The following MFF variants were observed in gnomAD, a reference collection of about 807,000 sequenced individuals.
The protein encoded by MFF is chromosome 2 open reading frame 33.
A neutral mutation model predicts 36.9 loss-of-function variants in MFF; 12 were observed. The ratio of observed to expected loss-of-function variants is 0.33; its 90% CI spans 0.21 to 0.53. MFF has a LOEUF of 0.53. Among genes scored for constraint, MFF ranks in the 20% least tolerant of loss-of-function variants. The pLI is 0.95. For synonymous variants in MFF, 99 were observed against 126.2 expected, an observed-to-expected ratio of 0.78 and a Z score of 1.44; for missense variants, 348 against 366.6, an observed-to-expected ratio of 0.95 and a Z score of 0.42.
Position 227,332,412 on chromosome 2 carries a change from C to T in MFF, c.182-7C>T, listed in dbSNP as rs202090250. On this transcript the variant is annotated splice_region_variant and splice_polypyrimidine_tract_variant and intron_variant, in intron 3 of 8. Coordinates refer to ENST00000304593, the MANE Select transcript of MFF (RefSeq NM_001277062.2). Reference sequence around the variant, plus strand: ...TCTTCTTTGTCTCTTTTCTTGAAAACTCCTAGGAAATAATGAAGATGTTTC... The same window carrying T: ...TCTTCTTTGTCTCTTTTCTTGAAAATTCCTAGGAAATAATGAAGATGTTTC... 3 of 1,493,940 alleles carry T rather than the reference C, an allele frequency of 2.0e-6. No individual in the cohort carries two copies. The African/African-American group carries it at 5.3e-5, about 26-fold the overall frequency. 92.5% of individuals were successfully genotyped at this position (1,493,940 alleles called of 1,614,324 possible). A position where few individuals can be genotyped will look rare whatever the true frequency, so the allele number is the denominator to read the frequency against.
Position 227,330,710 on chromosome 2 carries a change from A to C in MFF, c.45A>C (p.Glu15Asp). 1 of 1,614,192 alleles carries C rather than the reference A, an allele frequency of 6.2e-7. No homozygotes were observed. The highest frequency in any genetic ancestry group is 8.5e-7 in the Non-Finnish European group (1 of 1,180,008). ...TTCAGTACGAAATGGAATATACTGAAGGCATTAGTCAGCGAATGAGGGTCC... is the reference window on the plus strand; with the variant it reads ...TTCAGTACGAAATGGAATATACTGACGGCATTAGTCAGCGAATGAGGGTCC... Reference protein sequence around the residue: ...SRIQYEMEYTEGISQRMRVPE... With the variant: ...SRIQYEMEYTDGISQRMRVPE... Residue 15 changes from glutamate to aspartate, a missense_variant, in exon 3 of 9, where the codon GAA becomes GAC. Coordinates refer to ENST00000304593, the MANE Select transcript of MFF (RefSeq NM_001277062.2).
intron 5 of MFF, among the ~76,000 whole-genome samples, chr2:227,341,391 T>C (rs537323541): frequency 6.6e-6 from 1 of 152,094 alleles, no homozygotes; most frequent in African/African-American, 2.4e-5. Flanking sequence ...TTGTGTTAGG[T>C]GAAAGGAGAA....
In MFF at chr2:227,330,621, C is replaced by T. The variant is rs762092923; in HGVS notation, c.-40-5C>T. 7.0e-6 allele frequency: 10 copies of T among 1,419,912 alleles called. No homozygotes were observed. The Admixed American group carries it at 1.8e-4, about 26-fold the overall frequency. The allele number at this position is 1,419,912 out of a possible 1,614,324, so 88.0% of individuals were successfully genotyped here. On this transcript the variant is annotated splice_polypyrimidine_tract_variant and splice_region_variant and intron_variant, in intron 2 of 8. Coordinates refer to ENST00000304593, the MANE Select transcript of MFF (RefSeq NM_001277062.2). ...CAGCCCTGTCTTTAAATTTTTCTCC[C>T]ACAGGGTGAGCAGGGCAGCATTTCC...
At chr2:227,342,429 T>A (rs185576425) in intron 5 of MFF, among the ~76,000 whole-genome samples, 1 of 152,294 alleles carries the variant, frequency 6.6e-6, no homozygotes, top group East Asian at 1.9e-4. Context: ...ATAATACCTC[T>A]ATTAAAATAA....
At chr2:227,330,446 A>G in intron 2 of MFF, 180 bp from the exon 3 acceptor site, 1 of 578,968 alleles carries the variant, frequency 1.7e-6, no homozygotes, top group Non-Finnish European at 3.1e-6. Context: ...ATAATTAAGA[A>G]GGCATTTTGT....
At chr2:227,345,893 G>T (rs1244337846) in intron 5 of MFF, among the ~76,000 whole-genome samples, 2 of 152,118 alleles carry the variant, frequency 1.3e-5, no homozygotes, top group East Asian at 3.8e-4. Flanking sequence ...ATCCTATAGT[G>T]AATCAGGCTT....
chr2:227,354,789 TGTA>T (rs1177668900), intron 7 of MFF, among the ~76,000 whole-genome samples: 1 of 152,190 alleles, frequency 6.6e-6, no homozygotes, highest in African/African-American at 2.4e-5. Context: ...TGGAGCTAAA[TGTA>T]GTGGTAAGAT....
chr2:227,353,926 G>T (rs1559989895), intron 7 of MFF, among the ~76,000 whole-genome samples: 1 of 152,110 alleles, frequency 6.6e-6, no homozygotes, highest in Non-Finnish European at 1.5e-5. Context: ...AGAAAGAGAA[G>T]AGTTTTATTT....
At chr2:227,329,580 T>G (rs906965500) in intron 2 of MFF, 59 of 596,626 alleles carry the variant, frequency 9.9e-5, no homozygotes, top group Non-Finnish European at 1.7e-4. Flanking sequence ...GTTGAAATAC[T>G]GATTTTTATT....
intron 4 of MFF, among the ~76,000 whole-genome samples, chr2:227,335,004 A>G (rs1020182419): frequency 6.6e-6 from 1 of 152,020 alleles, no homozygotes; most frequent in African/African-American, 2.4e-5. Flanking sequence ...CCCTGTCTCT[A>G]CTGAAAATAC....
intron 2 of MFF, chr2:227,329,775 A>G: frequency 6.3e-7 from 1 of 1,581,426 alleles, no homozygotes; most frequent in South Asian, 1.1e-5. Flanking sequence ...GTGACACATC[A>G]CTAGGAAGGT....
intron 4 of MFF, among the ~76,000 whole-genome samples, chr2:227,337,691 G>T (rs1553774897): frequency 6.6e-6 from 1 of 152,176 alleles, no homozygotes; most frequent in Non-Finnish European, 1.5e-5. Flanking sequence ...CTATTTCTCA[G>T]CCTCCGGGAT....
chr2:227,333,111 A>G (rs1208319872), intron 4 of MFF, among the ~76,000 whole-genome samples: 1 of 152,236 alleles, frequency 6.6e-6, no homozygotes, highest in Non-Finnish European at 1.5e-5. Flanking sequence ...TTTGTCATTG[A>G]CTTACAGCTA....
At chr2:227,350,324 T>C (rs530536530) in intron 6 of MFF, among the ~76,000 whole-genome samples, 32 of 152,278 alleles carry the variant, frequency 2.1e-4, no homozygotes, top group African/African-American at 4.1e-4. Context: ...GTTAGAGCTA[T>C]GTATCTCATT....
intron 6 of MFF, 178 bp from the exon 7 acceptor site, chr2:227,352,336 A>G (rs2076039904): frequency 3.7e-6 from 2 of 536,928 alleles, no homozygotes; most frequent in African/African-American, 1.9e-5. Flanking sequence ...TATGAAAATG[A>G]TAAAATGGAG....
intron 5 of MFF, among the ~76,000 whole-genome samples, chr2:227,345,865 A>G (rs2075682714): frequency 6.6e-6 from 1 of 152,166 alleles, no homozygotes; most frequent in South Asian, 2.1e-4. Context: ...GTTTATCTTG[A>G]CACCAAATTT....
intron 4 of MFF, among the ~76,000 whole-genome samples, chr2:227,338,816 C>A (rs2075204184): frequency 1.4e-5 from 2 of 147,800 alleles, no homozygotes; most frequent in African/African-American, 5.0e-5. Context: ...GCCTGGGCGA[C>A]AGAACAAGAC....
intron 7 of MFF, among the ~76,000 whole-genome samples, chr2:227,353,639 G>C (rs1367949447): frequency 6.6e-6 from 1 of 152,114 alleles, no homozygotes; most frequent in Non-Finnish European, 1.5e-5. Flanking sequence ...TAGCATTAGA[G>C]TTTTTTAGTT....
At chr2:227,347,422 A>G (rs867299359) in intron 6 of MFF, 38 bp downstream of exon 6, 2 of 1,604,026 alleles carry the variant, frequency 1.2e-6, no homozygotes, top group Middle Eastern at 1.8e-4. Flanking sequence ...GCTTTATTGC[A>G]TATTTTTTGG....
Sources: allele counts gnomAD v4.1 joint callset (sites outside exome capture counted in the v4.1 genomes callset), GRCh38; gene constraint gnomAD v4.1.1; transcripts MANE v1.5; gene names NCBI Gene and HGNC (gene_info 2026-07-23, HGNC 2026-07-21).